Variants in GOLT1B observed in about 807,000 individuals in gnomAD.
GOLT1B encodes vesicle transport protein GOT1B.
GOLT1B carries 3 observed loss-of-function variants against 15.4 expected under a neutral mutation model. That is an observed-to-expected ratio of 0.19 (90% CI 0.09 to 0.50). GOLT1B has a LOEUF of 0.50. Ranked by LOEUF, GOLT1B falls within the 20% of genes least tolerant of loss-of-function variation. The pLI is 0.97. For missense variants in GOLT1B, 145 were observed against 160.4 expected (o/e 0.90, Z 0.52); for synonymous variants, 65 against 56.2 (o/e 1.16, Z -0.70).
At chr12:21,512,800 T>C (rs1229153066) in intron 4 of GOLT1B, among the ~76,000 whole-genome samples, 3 of 152,092 alleles carry the variant, frequency 2.0e-5, no homozygotes, top group Admixed American at 6.5e-5. Flanking sequence ...AGGCCGGGTG[T>C]GGTGGCTCAC....
intron 4 of GOLT1B, among the ~76,000 whole-genome samples, chr12:21,512,691 A>G (rs1268594222): frequency 1.3e-5 from 2 of 152,106 alleles, no homozygotes; most frequent in Admixed American, 1.3e-4. Context: ...ATAATCTCTA[A>G]TTTTAGAAGC....
chr12:21,514,874 C>T (rs10770817), intron 4 of GOLT1B, among the ~76,000 whole-genome samples: 151,797 of 152,212 alleles, frequency 1, 75,694 homozygotes, highest in East Asian at 1. Context: ...AATCGTGAAA[C>T]AAAATAAATG....
chr12:21,512,310 C>A lies in GOLT1B; in HGVS notation c.312C>A (p.Val104=). Residue 104 remains valine (V), a synonymous_variant, in exon 4 of 5, where the codon GTC becomes GTA. Transcript: ENST00000229314. ...CCTCTCCCAGGGGCTTCTTTCCTGT[C>A]GTTGTTGGCTTTATTAGAAGAGTGC... is the stretch of plus-strand genomic sequence containing the variant. The part of the protein sequence containing the change: ...FFLLFRGFFP[V]VVGFIRRVPV... The A allele has an allele frequency of 6.4e-7, 1 of 1,562,116 alleles. No individual in the cohort carries two copies. The highest frequency in any genetic ancestry group is 8.8e-7 in the Non-Finnish European group (1 of 1,134,064).
At chr12:21,512,852 C>A (rs1943729499) in intron 4 of GOLT1B, among the ~76,000 whole-genome samples, 1 of 151,966 alleles carries the variant, frequency 6.6e-6, no homozygotes, top group East Asian at 1.9e-4. Flanking sequence ...ATTGCTTGAG[C>A]CTAGGAGTTC....
Position 21,507,983 on chromosome 12 carries a change from G to C in GOLT1B, c.118-400G>C, listed in dbSNP as rs1042667206. 5 of 453,708 alleles carry C rather than the reference G, an allele frequency of 1.1e-5. No homozygotes were observed. The Admixed American group carries it at 1.2e-4, about 11-fold the overall frequency. 28.1% of individuals were successfully genotyped at this position (453,708 alleles called of 1,614,324 possible). On this transcript the variant is annotated intron_variant, in intron 2 of 4. Transcript: ENST00000229314. ...TATGATGAATATTTCAGAACCAAGA[G>C]GAATACCCTTGGGTGACATATTTAT...
At chr12:21,502,845 C>A (rs1170854321) in intron 1 of GOLT1B, among the ~76,000 whole-genome samples, 1 of 152,162 alleles carries the variant, frequency 6.6e-6, no homozygotes, top group Non-Finnish European at 1.5e-5. Context: ...TTATCTGCCA[C>A]GCCTTTCATT....
intron 3 of GOLT1B, among the ~76,000 whole-genome samples, chr12:21,511,991 C>T (rs1185909573): frequency 6.6e-6 from 1 of 152,160 alleles, no homozygotes; most frequent in East Asian, 1.9e-4. Context: ...TTTCATGGTT[C>T]TACACATATG....
rs1467407409 is a variant in GOLT1B at position 21,512,636 on chromosome 12, A to G, written c.378+260A>G. ...TTACTCAGATTTGATATGCTATGCTACCTTTCTCTTTGAGAGTTCAGGGCA... is the reference window on the plus strand; with the variant it reads ...TTACTCAGATTTGATATGCTATGCTGCCTTTCTCTTTGAGAGTTCAGGGCA... On this transcript the variant is annotated intron_variant, in intron 4 of 4. Coordinates refer to ENST00000229314, the MANE Select transcript of GOLT1B (RefSeq NM_016072.5). 2.6e-5 allele frequency among the ~76,000 whole-genome samples: 4 copies of G among 151,984 alleles called. No homozygotes were observed. The East Asian group carries it at 7.7e-4, about 29-fold the overall frequency.
At chr12:21,504,966 A>T (rs1348726552) in intron 1 of GOLT1B, among the ~76,000 whole-genome samples, 1 of 152,168 alleles carries the variant, frequency 6.6e-6, no homozygotes, top group Non-Finnish European at 1.5e-5. Flanking sequence ...CTGTGGGAAG[A>T]GGTATGGCAT....
chr12:21,515,117 A>G, intron 4 of GOLT1B: 1 of 534,930 alleles, frequency 1.9e-6, no homozygotes, highest in Non-Finnish European at 3.3e-6. Context: ...ACATCATTAA[A>G]TCTATCTTTA....
intron 4 of GOLT1B, among the ~76,000 whole-genome samples, chr12:21,514,364 C>T: frequency 6.6e-6 from 1 of 152,144 alleles, no homozygotes; most frequent in East Asian, 1.9e-4. Flanking sequence ...GCTCAAAGAG[C>T]TAAAGAATGG....
At chr12:21,515,629 C>G in intron 4 of GOLT1B, 40 bp from the exon 5 acceptor site, 4 of 1,045,274 alleles carry the variant, frequency 3.8e-6, no homozygotes, top group Non-Finnish European at 5.9e-6. Context: ...TTATAATGTT[C>G]CGGGCTTTCT....
rs1481002182 is a variant in GOLT1B at position 21,508,163 on chromosome 12, G to A, written c.118-220G>A. 3 of 525,082 alleles carry A rather than the reference G, an allele frequency of 5.7e-6. No homozygotes were observed. In the South Asian group the frequency reaches 6.9e-5, roughly 12 times the overall value. The allele number at this position is 525,082 out of a possible 1,614,324, so 32.5% of individuals were successfully genotyped here. ...TTTTCTCCATTTAATCAAGATAGAA[G>A]AGGAATGAGACAAGTGGAACAAAGC... On this transcript the variant is annotated intron_variant, in intron 2 of 4. Transcript: ENST00000229314.
chr12:21,504,920 T>C (rs4762834), intron 1 of GOLT1B, among the ~76,000 whole-genome samples: 117,645 of 152,052 alleles, frequency 0.77, 45,767 homozygotes, highest in African/African-American at 0.87. Flanking sequence ...TTGAGTTTCA[T>C]GTAACCAAAC....
intron 4 of GOLT1B, among the ~76,000 whole-genome samples, chr12:21,512,600 A>G (rs1441516327): frequency 6.6e-6 from 1 of 152,114 alleles, no homozygotes; most frequent in Non-Finnish European, 1.5e-5. Context: ...CATATTCTCT[A>G]TTTTTTAATG....
intron 2 of GOLT1B, 159 bp downstream of exon 2, chr12:21,507,135 T>C: frequency 1.5e-6 from 1 of 658,752 alleles, no homozygotes; most frequent in Non-Finnish European, 2.8e-6. Context: ...CCTGTCAGCT[T>C]TCTGTTTAAA....
chr12:21,515,620 T>A, intron 4 of GOLT1B, 49 bp from the exon 5 acceptor site: 1 of 938,882 alleles, frequency 1.1e-6, no homozygotes, highest in East Asian at 2.4e-5. Flanking sequence ...TATAATGTTT[T>A]ATAATGTTCC....
At chr12:21,507,992 T>C (rs1214573102) in intron 2 of GOLT1B, 3 of 451,080 alleles carry the variant, frequency 6.7e-6, no homozygotes, top group African/African-American at 6.0e-5. Flanking sequence ...AGGAATACCC[T>C]TGGGTGACAT....
intron 4 of GOLT1B, among the ~76,000 whole-genome samples, chr12:21,513,208 A>C (rs2136809871): frequency 6.6e-6 from 1 of 152,178 alleles, no homozygotes; most frequent in Admixed American, 6.5e-5. Flanking sequence ...CTTGGTTTCC[A>C]CCTTGATAAA....
Sources: allele counts gnomAD v4.1 joint callset (sites outside exome capture counted in the v4.1 genomes callset), GRCh38; gene constraint gnomAD v4.1.1; transcripts MANE v1.5; gene names NCBI Gene and HGNC (gene_info 2026-07-23, HGNC 2026-07-21).